The following ZBTB20 variants were observed in gnomAD, a reference collection of about 807,000 sequenced individuals.
ZBTB20 encodes the protein zinc finger and BTB domain containing 20, also known as zinc finger and BTB domain-containing protein 20.
In ZBTB20, 9 loss-of-function variants were observed where a neutral mutation model predicts 56.9. The observed-to-expected ratio is 0.16, with a 90% confidence interval of 0.10 to 0.28. ZBTB20 has a LOEUF of 0.28. Ranked by LOEUF, ZBTB20 falls within the 10% of genes least tolerant of loss-of-function variation. The pLI is 1.00. For synonymous variants in ZBTB20, 417 were observed against 420.7 expected, an observed-to-expected ratio of 0.99 and a Z score of 0.11; for missense variants, 655 against 1,003.0, an observed-to-expected ratio of 0.65 and a Z score of 4.69.
At chr3:114,793,571 A>G (rs2071128244) in intron 5 of ZBTB20, among the ~76,000 whole-genome samples, 1 of 152,148 alleles carries the variant, frequency 6.6e-6, no homozygotes, top group African/African-American at 2.4e-5. Flanking sequence ...CCATTATGAT[A>G]TAATTATAAA....
chr3:114,755,278 C>T (rs549344694), intron 5 of ZBTB20, among the ~76,000 whole-genome samples: 4 of 152,146 alleles, frequency 2.6e-5, no homozygotes, highest in East Asian at 3.9e-4. Context: ...CAAAATTACC[C>T]GTGAAAAGAA....
chr3:114,349,530 C>A (rs1484893928), intron 11 of ZBTB20, among the ~76,000 whole-genome samples: 1 of 152,190 alleles, frequency 6.6e-6, no homozygotes, highest in African/African-American at 2.4e-5. Context: ...CGTCTAATTA[C>A]AGAAACTCAC....
intron 5 of ZBTB20, among the ~76,000 whole-genome samples, chr3:114,721,173 G>A (rs1296262640): frequency 6.6e-6 from 1 of 152,150 alleles, no homozygotes; most frequent in African/African-American, 2.4e-5. Context: ...AATGGGCTGA[G>A]TAGTCCACTT....
At chr3:115,063,650 G>GC in intron 2 of ZBTB20, among the ~76,000 whole-genome samples, 1 of 97,408 alleles carries the variant, frequency 1.0e-5, no homozygotes, top group Admixed American at 1.3e-4. Context: ...TATTGTCAAA[G>GC]CAACACACAC....
chr3:114,910,506 T>G (rs1422296940), intron 3 of ZBTB20, among the ~76,000 whole-genome samples: 1 of 151,778 alleles, frequency 6.6e-6, no homozygotes, highest in Non-Finnish European at 1.5e-5. Flanking sequence ...GAAAAATTAT[T>G]TACAATGGTG....
intron 1 of ZBTB20, among the ~76,000 whole-genome samples, chr3:115,110,267 C>A (rs542523660): frequency 6.6e-6 from 1 of 151,674 alleles, no homozygotes; most frequent in Non-Finnish European, 1.5e-5. Context: ...AATTTTGAAG[C>A]GAGTTATTAA....
At chr3:114,534,498 A>G (rs2048239497) in intron 6 of ZBTB20, among the ~76,000 whole-genome samples, 1 of 152,210 alleles carries the variant, frequency 6.6e-6, no homozygotes, top group Non-Finnish European at 1.5e-5. Context: ...GCGAGTTCTT[A>G]GAGACCTACA....
At chr3:114,389,489 A>G (rs2085565256) in intron 7 of ZBTB20, among the ~76,000 whole-genome samples, 2 of 151,170 alleles carry the variant, frequency 1.3e-5, no homozygotes, top group South Asian at 2.1e-4. Flanking sequence ...TTCATTTATT[A>G]TATTTATTTA....
chr3:114,706,578 A>G (rs1402600184), intron 5 of ZBTB20, among the ~76,000 whole-genome samples: 5 of 152,118 alleles, frequency 3.3e-5, no homozygotes, highest in African/African-American at 1.2e-4. Flanking sequence ...GGGTTCAGAG[A>G]TACATCCTCC....
At chr3:114,681,561 C>T (rs1007344732) in intron 6 of ZBTB20, among the ~76,000 whole-genome samples, 1 of 152,172 alleles carries the variant, frequency 6.6e-6, no homozygotes, top group African/African-American at 2.4e-5. Context: ...TTTCACATTG[C>T]CTCTTCTTAG....
rs2067185299 is a variant in ZBTB20 at position 114,747,944 on chromosome 3, AAAAAAAC to A, written c.-343+53150_-343+53156del. On this transcript the variant is annotated intron_variant, in intron 5 of 11. Transcript: ENST00000675478. ...AAAAAAAAAAAAAAAAAAAAAAAAAAAAAAAACCAAGATTGAGAGCACAGTTATATAG... is the reference window on the plus strand; with the variant it reads ...AAAAAAAAAAAAAAAAAAAAAAAAAACAAGATTGAGAGCACAGTTATATAG... Among the ~76,000 whole-genome samples the A allele has an allele frequency of 1.7e-3, 3 of 1,812 alleles. 1 individual carries two copies. Among genetic ancestry groups the A allele is most frequent in the African/African-American group, 1.7e-3 (3 of 1,784 alleles). The allele number at this position is 1,812 out of a possible 152,430, so 1.2% of individuals were successfully genotyped here.
intron 7 of ZBTB20, among the ~76,000 whole-genome samples, chr3:114,451,205 C>A (rs1208622619): frequency 1.2e-3 from 167 of 136,170 alleles, no homozygotes; most frequent in South Asian, 1.7e-3. Context: ...CAGAGGATGC[C>A]AAAAAAAAAA....
intron 6 of ZBTB20, among the ~76,000 whole-genome samples, chr3:114,644,735 T>A (rs534405570): frequency 6.6e-6 from 1 of 152,236 alleles, no homozygotes; most frequent in East Asian, 1.9e-4. Context: ...AACCTCAGCA[T>A]CACACAATAT....
At chr3:114,528,393 T>C (rs2047469233) in intron 6 of ZBTB20, among the ~76,000 whole-genome samples, 3 of 152,048 alleles carry the variant, frequency 2.0e-5, no homozygotes, top group Admixed American at 2.0e-4. Context: ...CTGTGAAATG[T>C]CTACATGAGA....
rs1309626045 is a variant in ZBTB20 at position 114,326,371 on chromosome 3, T to A, written c.*12634A>T. 1 of 152,204 alleles carries A rather than the reference T, an allele frequency of 6.6e-6. No homozygotes were observed. Among genetic ancestry groups the A allele is most frequent in the Non-Finnish European group, 1.5e-5 (1 of 68,032 alleles). 9.4% of individuals were successfully genotyped at this position (152,204 alleles called of 1,614,324 possible). ...TGTTAGTTTAGGTAAATACGGTTTC[T>A]TTCTCAAGGAACAGGTTTTTGTTTT... On this transcript the variant is annotated 3_prime_UTR_variant, in exon 12 of 12. Transcript: ENST00000675478.
chr3:114,772,889 G>A (rs535477696), intron 5 of ZBTB20, among the ~76,000 whole-genome samples: 2 of 152,182 alleles, frequency 1.3e-5, no homozygotes, highest in African/African-American at 2.4e-5. Flanking sequence ...AAAACAGGGA[G>A]AGTATCCTAG....
intron 7 of ZBTB20, among the ~76,000 whole-genome samples, chr3:114,449,683 T>A (rs1316908795): frequency 8.9e-5 from 12 of 134,538 alleles, no homozygotes; most frequent in Admixed American, 1.5e-4. Flanking sequence ...AGCCTAGCTT[T>A]AAAAAAAAAA....
chr3:114,712,098 C>G (rs759231880), intron 5 of ZBTB20, among the ~76,000 whole-genome samples: 1 of 152,106 alleles, frequency 6.6e-6, no homozygotes, highest in Non-Finnish European at 1.5e-5. Flanking sequence ...GCCAGTATGA[C>G]GTGATTATCA....
chr3:114,537,968 A>C (rs1340918857), intron 6 of ZBTB20, among the ~76,000 whole-genome samples: 1 of 151,974 alleles, frequency 6.6e-6, no homozygotes, highest in Non-Finnish European at 1.5e-5. Flanking sequence ...AATGTCACAC[A>C]CTGGGGCCTG....
Sources: allele counts gnomAD v4.1 joint callset (sites outside exome capture counted in the v4.1 genomes callset), GRCh38; gene constraint gnomAD v4.1.1; transcripts MANE v1.5; gene names NCBI Gene and HGNC (gene_info 2026-07-23, HGNC 2026-07-21).